Variants in CTNND1 observed in about 807,000 individuals in gnomAD.
CTNND1 encodes the protein catenin delta 1.
Under a neutral mutation model 112.1 loss-of-function variants are expected in CTNND1, and 16 were observed. The ratio of observed to expected loss-of-function variants is 0.14; its 90% CI spans 0.10 to 0.22. The LOEUF (loss-of-function observed/expected upper bound fraction) is 0.22. Ranked by LOEUF, CTNND1 falls within the 10% of genes least tolerant of loss-of-function variation. The pLI is 1.00. For missense variants in CTNND1, 1,008 were observed against 1,257.0 expected (o/e 0.80, Z 3.00); for synonymous variants, 420 against 446.5 (o/e 0.94, Z 0.75).
At chr11:57,811,293 CAT>C (rs1294866239) in intron 16 of CTNND1, 104 bp from the exon 17 acceptor site, 1 of 881,944 alleles carries the variant, frequency 1.1e-6, no homozygotes, top group Non-Finnish European at 1.8e-6. Context: ...GTTGCTTTTT[CAT>C]GATTCTATTT....
intron 1 of CTNND1, among the ~76,000 whole-genome samples, chr11:57,776,763 T>C (rs1455753438): frequency 1.3e-5 from 2 of 152,234 alleles, no homozygotes; most frequent in African/African-American, 4.8e-5. Context: ...CCAGGATTAC[T>C]GTATTTCTGA....
In CTNND1 at chr11:57,796,664, C is replaced by G; in HGVS notation, c.628C>G (p.Pro210Ala). The change falls in exon 6 of 21, where the codon CCT becomes GCT. Residue 210 changes from proline to alanine, a missense_variant. Coordinates refer to ENST00000399050, the MANE Select transcript of CTNND1 (RefSeq NM_001085458.2). The stretch of plus-strand genomic sequence containing the variant: ...CCTTCCTAGGAACTTCCACTACCCT[C>G]CTGATGGTTATAGTCGCCACTATGA... ...ATLPRNFHYPPDGYSRHYEDG... is the reference protein window; with the variant it reads ...ATLPRNFHYPADGYSRHYEDG... 6.2e-7 allele frequency: 1 copy of G among 1,614,034 alleles called. No homozygotes were observed. Among genetic ancestry groups the G allele is most frequent in the Non-Finnish European group, 8.5e-7 (1 of 1,179,884 alleles).
chr11:57,806,066 A>C, intron 10 of CTNND1, 31 bp downstream of exon 10: 1 of 1,593,468 alleles, frequency 6.3e-7, no homozygotes, highest in Non-Finnish European at 8.6e-7. Flanking sequence ...CTTAGTCTTT[A>C]ATGTGGGATA....
chr11:57,802,651 C>T (rs2062129500), intron 7 of CTNND1, among the ~76,000 whole-genome samples: 2 of 152,354 alleles, frequency 1.3e-5, no homozygotes, highest in South Asian at 4.1e-4. Flanking sequence ...ATCTTCCTCT[C>T]TTGACTCACC....
chr11:57,800,281 T>C (rs2061862489), intron 6 of CTNND1, among the ~76,000 whole-genome samples: 1 of 151,592 alleles, frequency 6.6e-6, no homozygotes, highest in Admixed American at 6.6e-5. Context: ...TTTTTTTTTT[T>C]CTTCGAAATA....
At chr11:57,809,151 A>T (rs2063047459) in intron 14 of CTNND1, 123 bp from the exon 15 acceptor site, 2 of 672,230 alleles carry the variant, frequency 3.0e-6, no homozygotes, top group Non-Finnish European at 5.1e-6. Context: ...ATCCTATAGG[A>T]TAATGAAGTT....
Position 57,791,438 on chromosome 11 carries a change from C to A in CTNND1, c.-41C>A. The A allele has an allele frequency of 2.1e-6, 3 of 1,398,486 alleles. No individual in the cohort carries two copies. Among genetic ancestry groups the A allele is most frequent in the South Asian group, 1.6e-5 (1 of 62,874 alleles). The allele number at this position is 1,398,486 out of a possible 1,614,324, so 86.6% of individuals were successfully genotyped here. A position where few individuals can be genotyped will look rare whatever the true frequency, so the allele number is the denominator to read the frequency against. ...TTCTCCTTCCTCTGTGATTCACCTT[C>A]CTTTTTACCCTGCCCTGCGGCGGCT... On this transcript the variant is annotated 5_prime_UTR_variant, in exon 3 of 21. Transcript: ENST00000399050.
chr11:57,802,249 G>A, intron 7 of CTNND1, 53 bp downstream of exon 7: 1 of 1,428,030 alleles, frequency 7.0e-7, no homozygotes. Flanking sequence ...CTCTAGTGAT[G>A]TTGAGAACTA....
chr11:57,799,620 G>A (rs1238150050), intron 6 of CTNND1, among the ~76,000 whole-genome samples: 4 of 152,192 alleles, frequency 2.6e-5, no homozygotes, highest in Non-Finnish European at 5.9e-5. Flanking sequence ...AAGTCATTTG[G>A]TCTTCCCAGG....
At chr11:57,811,772 T>A (rs2063385888) in intron 17 of CTNND1, among the ~76,000 whole-genome samples, 1 of 137,982 alleles carries the variant, frequency 7.2e-6, no homozygotes, top group South Asian at 2.6e-4. Flanking sequence ...TCCTTTTAAA[T>A]TTCCATTTAA....
intron 1 of CTNND1, among the ~76,000 whole-genome samples, chr11:57,786,190 ATTTTTT>A (rs10715396): frequency 7.5e-6 from 1 of 132,612 alleles, no homozygotes. Flanking sequence ...GAATTCTTTG[ATTTTTT>A]TTTTTTTTTT....
In CTNND1 at chr11:57,790,553, T is replaced by TG. The variant is rs201289169; in HGVS notation, c.-94-832_-94-831insG. On this transcript the variant is annotated intron_variant, in intron 2 of 20. Transcript: ENST00000399050. ...CCGGCTAATTTTGTCTGTGTGTGTGTTTTTTTTTTTTTTTTTTTTTTTGAG... is the reference window on the plus strand; with the variant it reads ...CCGGCTAATTTTGTCTGTGTGTGTGTGTTTTTTTTTTTTTTTTTTTTTTGAG... 3.2e-3 allele frequency among the ~76,000 whole-genome samples: 210 copies of TG among 64,960 alleles called. 1 individual carries two copies. The highest frequency in any genetic ancestry group is 6.5e-3 in the Middle Eastern group (1 of 154). The allele number at this position is 64,960 out of a possible 152,430, so 42.6% of individuals were successfully genotyped here. A position where few individuals can be genotyped will look rare whatever the true frequency, so the allele number is the denominator to read the frequency against.
At chr11:57,815,658 C>A (rs2063885739) in intron 19 of CTNND1, 158 bp downstream of exon 19, 3 of 819,802 alleles carry the variant, frequency 3.7e-6, no homozygotes, top group Non-Finnish European at 2.1e-6. Flanking sequence ...GTTGGGATTT[C>A]TTGGGCCGTT....
intron 16 of CTNND1, among the ~76,000 whole-genome samples, chr11:57,811,146 A>G (rs908770086): frequency 6.6e-6 from 1 of 152,070 alleles, no homozygotes. Context: ...GGGAATTTTT[A>G]CTATTCTCTG....
At chr11:57,798,986 C>G (rs2137020762) in intron 6 of CTNND1, among the ~76,000 whole-genome samples, 1 of 152,278 alleles carries the variant, frequency 6.6e-6, no homozygotes, top group Non-Finnish European at 1.5e-5. Flanking sequence ...GTAAGGATAT[C>G]CTAGCAGCTG....
At chr11:57,773,712 G>T (rs959239133) in intron 1 of CTNND1, among the ~76,000 whole-genome samples, 1 of 151,292 alleles carries the variant, frequency 6.6e-6, no homozygotes, top group Non-Finnish European at 1.5e-5. Context: ...TGAGGTGGGC[G>T]GATCGCTTGA....
intron 6 of CTNND1, among the ~76,000 whole-genome samples, chr11:57,800,692 A>T (rs2061923669): frequency 6.6e-6 from 1 of 152,210 alleles, no homozygotes; most frequent in Admixed American, 6.5e-5. Flanking sequence ...GGCAACCTTG[A>T]GTATTTGTTG....
chr11:57,796,697 T>A lies in CTNND1; in HGVS notation c.661T>A (p.Tyr221Asn). Residue 221 changes from tyrosine to asparagine, a missense_variant, in exon 6 of 21, where the codon TAT becomes AAT. By Grantham distance (143) the Tyr-to-Asn change is moderately radical. Transcript: ENST00000399050. ...TTATAGTCGCCACTATGAAGATGGTTATCCAGGTGGCAGTGATAACTATGG... is the reference window on the plus strand; with the variant it reads ...TTATAGTCGCCACTATGAAGATGGTAATCCAGGTGGCAGTGATAACTATGG... ...DGYSRHYEDGYPGGSDNYGSL... is the reference protein window; with the variant it reads ...DGYSRHYEDGNPGGSDNYGSL... 2.5e-6 allele frequency: 4 copies of A among 1,614,026 alleles called. No individual in the cohort carries two copies. Among genetic ancestry groups the A allele is most frequent in the Non-Finnish European group, 3.4e-6 (4 of 1,179,890 alleles).
Position 57,788,675 on chromosome 11 carries a change from G to A in CTNND1, c.-213-362G>A, listed in dbSNP as rs966907144. 6.6e-6 allele frequency among the ~76,000 whole-genome samples: 1 copy of A among 152,120 alleles called. No individual in the cohort carries two copies. Among genetic ancestry groups the A allele is most frequent in the Non-Finnish European group, 1.5e-5 (1 of 68,022 alleles). ...GCTTTGAGGTTTCTGCCTTAGGGGT[G>A]GGAAGGGAGGGGGAAGGGCATTCCA... On this transcript the variant is annotated intron_variant, in intron 1 of 20. Coordinates refer to ENST00000399050, the MANE Select transcript of CTNND1 (RefSeq NM_001085458.2). The surrounding 1 kb of genome is among the most constrained non-coding windows in gnomAD (Gnocchi z 4.1).
Sources: gnomAD v4.1 joint callset for allele counts (sites outside exome capture counted in the v4.1 genomes callset) on GRCh38, gnomAD v4.1.1 for gene constraint, Gnocchi (gnomAD v3.1) non-coding constraint, MANE v1.5 for transcripts, NCBI Gene and HGNC (gene_info 2026-07-23, HGNC 2026-07-21) for gene names.